LPA: variants seen among roughly 807,000 people sequenced by gnomAD.
The protein encoded by LPA is lipoprotein(a), also known as apolipoprotein(a).
In LPA, 199 loss-of-function variants were observed where a neutral mutation model predicts 197.9. The ratio of observed to expected loss-of-function variants is 1.01; its 90% confidence interval spans 0.90 to 1.13. The LOEUF (loss-of-function observed/expected upper bound fraction) is 1.13, where lower values mean the gene tolerates loss of function less well. Among genes scored for constraint, LPA ranks in the 50% most tolerant of loss-of-function variants. LPA has a pLI of 0.00. For synonymous variants in LPA, 715 were observed against 639.5 expected, an observed-to-expected ratio of 1.12 and a Z score of -1.78; for missense variants, 1,853 against 1,785.8, an observed-to-expected ratio of 1.04 and a Z score of -0.68.
At chr6:160,647,551 C>CT (rs370782285) in intron 2 of LPA, among the ~76,000 whole-genome samples, 1 of 152,040 alleles carries the variant, frequency 6.6e-6, no homozygotes, top group African/African-American at 2.4e-5. Context: ...TCTTTAAAGA[C>CT]TTTTTTTTCT....
intron 28 of LPA, among the ~76,000 whole-genome samples, chr6:160,563,084 T>C (rs1251906201): frequency 6.6e-6 from 1 of 152,194 alleles, no homozygotes; most frequent in Non-Finnish European, 1.5e-5. Flanking sequence ...TGCTCTGATC[T>C]TAGTTATTTC....
chr6:160,646,996 A>G (rs1175912124), intron 2 of LPA, among the ~76,000 whole-genome samples: 1 of 152,180 alleles, frequency 6.6e-6, no homozygotes, highest in East Asian at 1.9e-4. Context: ...ACTGTCTGTC[A>G]TTCCCATATC....
At chr6:160,565,959 C>G (rs182477176) in intron 28 of LPA, among the ~76,000 whole-genome samples, 1 of 151,624 alleles carries the variant, frequency 6.6e-6, no homozygotes, top group Non-Finnish European at 1.5e-5. Context: ...TGAAATGAAG[C>G]GAGAAGAGAA....
At chr6:160,610,534 T>C (rs905050822) in intron 16 of LPA, among the ~76,000 whole-genome samples, 6 of 152,194 alleles carry the variant, frequency 3.9e-5, no homozygotes, top group African/African-American at 1.2e-4. Context: ...AGTTGCTGTT[T>C]CTCAGTAAAT....
Position 160,634,016 on chromosome 6 carries a change from G to T in LPA, c.1076-104C>A, listed in dbSNP as rs114967991. ...AAAGGAGTCTATGAGAATTACGAAC[G>T]TTATCTTTCCCTTACCTGTAGGCAG... On this transcript the variant is annotated intron_variant, in intron 7 of 38. Transcript: ENST00000316300. The T allele has an allele frequency of 8.7e-3, 13,003 of 1,500,144 alleles. 1,632 individuals carry two copies. The African/African-American group carries it at 0.16, about 18-fold the overall frequency. 92.9% of individuals were successfully genotyped at this position (1,500,144 alleles called of 1,614,324 possible). A position where few individuals can be genotyped will look rare whatever the true frequency, so the allele number is the denominator to read the frequency against.
At chr6:160,603,511 C>T (rs966869227) in intron 18 of LPA, among the ~76,000 whole-genome samples, 1 of 152,118 alleles carries the variant, frequency 6.6e-6, no homozygotes, top group Non-Finnish European at 1.5e-5. Flanking sequence ...CTGCTTCATT[C>T]CGTATTCATG....
chr6:160,634,935 C>A (rs1323581380), intron 7 of LPA, among the ~76,000 whole-genome samples, 188 bp downstream of exon 7: 95 of 150,236 alleles, frequency 6.3e-4, no homozygotes, highest in Non-Finnish European at 8.4e-4. Flanking sequence ...ACAAAGCCCA[C>A]CCAAGTTGCA....
chr6:160,589,549 A>T lies in LPA; in HGVS notation c.3947+4T>A, dbSNP rs772464495. 1 of 1,613,390 alleles carries T rather than the reference A, an allele frequency of 6.2e-7. No homozygotes were observed. The highest frequency in any genetic ancestry group is 8.5e-7 in the Non-Finnish European group (1 of 1,179,740). On this transcript the variant is annotated splice_donor_region_variant and intron_variant, in intron 24 of 38. Transcript: ENST00000316300. ...TTCTCTTGGGAGAAAACTCAAAGAC[A>T]TACCCATTTGGGTAGTATTCTGTGG...
At chr6:160,582,975 T>C (rs1237549194) in intron 26 of LPA, among the ~76,000 whole-genome samples, 2 of 152,128 alleles carry the variant, frequency 1.3e-5, no homozygotes, top group Non-Finnish European at 2.9e-5. Flanking sequence ...TATAAGGCCA[T>C]GTAGTGATTT....
In LPA at chr6:160,606,588, T is replaced by C. The variant is rs41269892; in HGVS notation, c.2674A>G (p.Ser892Gly). ...AGGTTGCAGTACTCCCACCTGACAC[T>C]GGGATCCCTCGTATAACAATAAGGG... The part of the protein sequence containing the change: ...AAPYCYTRDP[S>G]VRWEYCNLTQ... Residue 892 changes from serine (S) to glycine (G), a missense_variant, in exon 17 of 39, where the codon AGT (serine) becomes GGT (glycine). Ser to Gly is a moderately conservative substitution (Grantham distance 56). Around this residue, in one of 3 missense-constraint regions of LPA, gnomAD observed 1,737 missense variants for 1,504.4 expected, o/e 1.15. Coordinates refer to ENST00000316300, the MANE Select transcript of LPA (RefSeq NM_005577.4). The C allele has an allele frequency of 8.9e-4, 1,442 of 1,613,950 alleles. 7 individuals are homozygous for C. In the African/African-American group the frequency reaches 0.014, roughly 16 times the overall value.
intron 28 of LPA, among the ~76,000 whole-genome samples, chr6:160,562,907 G>C (rs1176272937): frequency 6.6e-6 from 1 of 151,962 alleles, no homozygotes; most frequent in Admixed American, 6.6e-5. Flanking sequence ...TGGCATCATT[G>C]GTGATATCCC....
At chr6:160,653,268 AAT>A (rs1780037668) in intron 1 of LPA, among the ~76,000 whole-genome samples, 1 of 152,174 alleles carries the variant, frequency 6.6e-6, no homozygotes, top group South Asian at 2.1e-4. Context: ...AGAGCTTCAA[AAT>A]ATATAAAACA....
intron 26 of LPA, among the ~76,000 whole-genome samples, chr6:160,583,090 G>A (rs755031039): frequency 6.6e-5 from 10 of 151,554 alleles, no homozygotes; most frequent in Middle Eastern, 3.4e-3. Flanking sequence ...TCTTGTCCAC[G>A]CTTTCTTTAA....
intron 22 of LPA, among the ~76,000 whole-genome samples, chr6:160,593,125 T>G (rs1417023521): frequency 6.6e-6 from 1 of 152,158 alleles, no homozygotes; most frequent in Non-Finnish European, 1.5e-5. Flanking sequence ...GTCAGATGCC[T>G]GAGGCATCAC....
chr6:160,532,440 C>T (rs41266375), intron 38 of LPA, 91 bp downstream of exon 38: 34,025 of 1,012,722 alleles, frequency 0.034, 814 homozygotes, highest in Non-Finnish European at 0.039. Flanking sequence ...CTGACAAAAC[C>T]TTCCTGAATT....
intron 16 of LPA, among the ~76,000 whole-genome samples, chr6:160,609,374 G>T (rs1779431129): frequency 6.6e-6 from 1 of 152,034 alleles, no homozygotes; most frequent in South Asian, 2.1e-4. Flanking sequence ...GGCTTCCAGT[G>T]TTTCTGAGGT....
intron 14 of LPA, among the ~76,000 whole-genome samples, chr6:160,613,480 TTG>T (rs1434843089): frequency 2.2e-5 from 1 of 46,190 alleles, no homozygotes; most frequent in East Asian, 4.1e-4. Flanking sequence ...TATTGTGGGA[TTG>T]TGTATTCACA....
chr6:160,585,324 C>A, intron 25 of LPA, 119 bp from the exon 26 acceptor site: 1 of 925,002 alleles, frequency 1.1e-6, no homozygotes. Flanking sequence ...TCTATATTAG[C>A]ATGCAAATTG....
chr6:160,569,623 T>C (rs1267964403), intron 28 of LPA, among the ~76,000 whole-genome samples: 1 of 152,088 alleles, frequency 6.6e-6, no homozygotes, highest in South Asian at 2.1e-4. Flanking sequence ...AAAGCCAAAA[T>C]TGACCAATGG....
Sources: gnomAD v4.1 joint callset for allele counts (sites outside exome capture counted in the v4.1 genomes callset) on GRCh38, gnomAD v4.1.1 for gene constraint, gnomAD v4.1.1 regional missense constraint, MANE v1.5 for transcripts, NCBI Gene and HGNC (gene_info 2026-07-23, HGNC 2026-07-21) for gene names.